The following CCNY variants were observed in gnomAD, a reference collection of about 807,000 sequenced individuals.
CCNY encodes cyclin Y.
In CCNY, 19 loss-of-function variants were observed where a neutral mutation model predicts 42.8. The ratio of observed to expected loss-of-function variants is 0.44; its 90% CI spans 0.31 to 0.65. CCNY has a LOEUF of 0.65. Ranked by LOEUF, CCNY falls within the 30% of genes least tolerant of loss-of-function variation. The pLI is 0.07. For synonymous variants in CCNY, 165 were observed against 162.7 expected, an observed-to-expected ratio of 1.01 and a Z score of -0.11; for missense variants, 370 against 437.3, an observed-to-expected ratio of 0.85 and a Z score of 1.37.
intron 1 of CCNY, among the ~76,000 whole-genome samples, chr10:35,459,866 T>C (rs1489715322): frequency 6.6e-6 from 1 of 152,146 alleles, no homozygotes; most frequent in East Asian, 1.9e-4. Flanking sequence ...GAATACATAC[T>C]TGGAGGGAGT....
At chr10:35,325,623 C>T (rs1195003826) in intron 3 of CCNY, among the ~76,000 whole-genome samples, 1 of 151,936 alleles carries the variant, frequency 6.6e-6, no homozygotes, top group Non-Finnish European at 1.5e-5. Context: ...CATGCGCCAC[C>T]ACTCCCAGCT....
At chr10:35,247,598 T>G (rs904043710) in intron 1 of CCNY, among the ~76,000 whole-genome samples, 1 of 126,256 alleles carries the variant, frequency 7.9e-6, no homozygotes, top group Non-Finnish European at 1.7e-5. Flanking sequence ...GATAAAGAAA[T>G]AAATGAAAAA....
intron 3 of CCNY, among the ~76,000 whole-genome samples, chr10:35,284,282 G>A (rs1835330219): frequency 6.6e-6 from 1 of 151,940 alleles, no homozygotes; most frequent in Non-Finnish European, 1.5e-5. Flanking sequence ...TGCTGCCCAG[G>A]TTTGCAGATG....
chr10:35,367,365 T>G (rs1836831918), intron 1 of CCNY, among the ~76,000 whole-genome samples: 1 of 152,184 alleles, frequency 6.6e-6, no homozygotes, highest in African/African-American at 2.4e-5. Flanking sequence ...TCCTTCTCTG[T>G]AAAATGGGAC....
At chr10:35,304,383 CA>C (rs2135077728) in intron 3 of CCNY, among the ~76,000 whole-genome samples, 1 of 108,600 alleles carries the variant, frequency 9.2e-6, no homozygotes, top group South Asian at 3.2e-4. Context: ...GATCTCGGCT[CA>C]CTGCAAGCTC....
At chr10:35,528,452 C>T (rs1840697962) in intron 5 of CCNY, among the ~76,000 whole-genome samples, 1 of 152,182 alleles carries the variant, frequency 6.6e-6, no homozygotes, top group African/African-American at 2.4e-5. Context: ...GCCTGTAATC[C>T]TAGCACTTTG....
chr10:35,536,063 T>A (rs949826195), intron 7 of CCNY, among the ~76,000 whole-genome samples: 1 of 152,206 alleles, frequency 6.6e-6, no homozygotes, highest in Non-Finnish European at 1.5e-5. Context: ...CCCACCCAAA[T>A]CTCATCTTGA....
intron 3 of CCNY, among the ~76,000 whole-genome samples, chr10:35,319,551 A>G (rs1192029481): frequency 6.6e-6 from 1 of 152,188 alleles, no homozygotes; most frequent in Admixed American, 6.5e-5. Context: ...AAATTGGTTG[A>G]ATGCCACAGA....
In CCNY at chr10:35,393,500, C is replaced by T. The variant is rs373832226; in HGVS notation, c.154+56293C>T. ...TCCCTTCCACCCTGTTGTAGGGACA[C>T]CTGCCTTGCTCACAGGTTGTTCCTG... On this transcript the variant is annotated intron_variant, in intron 1 of 9. Coordinates refer to ENST00000374704, the MANE Select transcript of CCNY (RefSeq NM_145012.6). Among the ~76,000 whole-genome samples the T allele has an allele frequency of 9.8e-5, 15 of 152,310 alleles. No individual in the cohort carries two copies. In the South Asian group the frequency reaches 3.1e-3, roughly 32 times the overall value.
chr10:35,411,404 T>G (rs1166226539), intron 1 of CCNY, among the ~76,000 whole-genome samples: 1 of 149,684 alleles, frequency 6.7e-6, no homozygotes, highest in Non-Finnish European at 1.5e-5. Context: ...TCTCGGCTAC[T>G]TGGGGATTCT....
intron 1 of CCNY, among the ~76,000 whole-genome samples, chr10:35,474,077 C>T (rs1041839636): frequency 4.6e-5 from 7 of 152,200 alleles, no homozygotes; most frequent in African/African-American, 1.7e-4. Context: ...CCGAATACTG[C>T]GCTTTTCCAA....
chr10:35,358,191 C>CT (rs1296564864), intron 1 of CCNY, among the ~76,000 whole-genome samples: 1 of 151,470 alleles, frequency 6.6e-6, no homozygotes, highest in Non-Finnish European at 1.5e-5. Context: ...TTCATGATAC[C>CT]TACAAATGTG....
At chr10:35,252,069 C>G (rs2095712384) in intron 3 of CCNY, among the ~76,000 whole-genome samples, 1 of 152,200 alleles carries the variant, frequency 6.6e-6, no homozygotes, top group Admixed American at 6.5e-5. Flanking sequence ...GTTTTTCACA[C>G]AAGATACTGC....
chr10:35,544,289 A>G (rs371125264), intron 7 of CCNY, among the ~76,000 whole-genome samples: 33 of 152,254 alleles, frequency 2.2e-4, no homozygotes, highest in East Asian at 2.1e-3. Flanking sequence ...TTTATCTTCA[A>G]TACCATATTT....
chr10:35,360,449 G>C (rs1019457414), intron 1 of CCNY, among the ~76,000 whole-genome samples: 1 of 151,862 alleles, frequency 6.6e-6, no homozygotes, highest in African/African-American at 2.4e-5. Flanking sequence ...ACCATGCCCA[G>C]CTGATTTTTT....
At chr10:35,363,267 C>T (rs1195884245) in intron 1 of CCNY, among the ~76,000 whole-genome samples, 24 of 145,850 alleles carry the variant, frequency 1.6e-4, no homozygotes, top group African/African-American at 2.3e-4. Context: ...CCCGACAGGG[C>T]GGTAGCTGGG....
intron 3 of CCNY, among the ~76,000 whole-genome samples, chr10:35,293,916 G>C (rs574625324): frequency 6.6e-6 from 1 of 151,242 alleles, no homozygotes. Flanking sequence ...TCAGCCTCCC[G>C]AGTAGCTGAG....
At chr10:35,509,262 A>ATCT (rs1840273701) in intron 3 of CCNY, among the ~76,000 whole-genome samples, 1 of 152,048 alleles carries the variant, frequency 6.6e-6, no homozygotes, top group African/African-American at 2.4e-5. Context: ...TCCTGCTAAA[A>ATCT]GCTGTACCCT....
intron 3 of CCNY, among the ~76,000 whole-genome samples, chr10:35,510,318 G>A (rs1030999349): frequency 9.9e-5 from 15 of 152,074 alleles, no homozygotes; most frequent in African/African-American, 2.4e-4. Flanking sequence ...GGGCCCAACC[G>A]ATCTTCCTGC....
Sources: gnomAD v4.1 joint callset for allele counts (sites outside exome capture counted in the v4.1 genomes callset) on GRCh38, gnomAD v4.1.1 for gene constraint, MANE v1.5 for transcripts, NCBI Gene and HGNC (gene_info 2026-07-23, HGNC 2026-07-21) for gene names.